Variants in ZNF469 observed in about 807,000 individuals in gnomAD.
ZNF469 encodes the protein zinc finger protein 469.
In ZNF469, 1 loss-of-function variant was observed where a neutral mutation model predicts 1.0. The ratio of observed to expected loss-of-function variants is 1.00; its 90% CI spans 0.35 to 4.73. The LOEUF (loss-of-function observed/expected upper bound fraction) is 4.73. ZNF469 is among the 30% of genes most tolerant of loss of function. The pLI is 0.16. For synonymous variants in ZNF469, 2,703 were observed against 2,363.4 expected, an observed-to-expected ratio of 1.14 and a Z score of -4.17; for missense variants, 6,100 against 5,356.3, an observed-to-expected ratio of 1.14 and a Z score of -4.33.
chr16:88,221,721 C>T, the ZNF469 span, among the ~76,000 whole-genome samples: 6 of 152,216 alleles, frequency 3.9e-5, no homozygotes, highest in African/African-American at 1.4e-4. Context: ...TGCACGCTTC[C>T]AGCGGCCAGG....
At chr16:88,307,936 C>G in the ZNF469 span, among the ~76,000 whole-genome samples, 1 of 152,088 alleles carries the variant, frequency 6.6e-6, no homozygotes, top group African/African-American at 2.4e-5. Flanking sequence ...AGATGTATTC[C>G]TATGTTGTCT....
At chr16:88,255,210 CAT>C in the ZNF469 span, among the ~76,000 whole-genome samples, 1 of 152,208 alleles carries the variant, frequency 6.6e-6, no homozygotes, top group Non-Finnish European at 1.5e-5. Context: ...ATGCAGGCTG[CAT>C]ATGTTGCAGG....
At chr16:88,115,889 C>T in the ZNF469 span, among the ~76,000 whole-genome samples, 2 of 152,256 alleles carry the variant, frequency 1.3e-5, no homozygotes, top group Non-Finnish European at 2.9e-5. Context: ...CTCATCTCTG[C>T]CTTTATCCTC....
At chr16:88,323,491 C>G in the ZNF469 span, among the ~76,000 whole-genome samples, 1 of 152,232 alleles carries the variant, frequency 6.6e-6, no homozygotes, top group Admixed American at 6.5e-5. Flanking sequence ...GGCCCCAGGA[C>G]AGGCCCTGGC....
chr16:88,291,558 T>C, the ZNF469 span, among the ~76,000 whole-genome samples: 20 of 152,308 alleles, frequency 1.3e-4, no homozygotes, highest in East Asian at 3.7e-3. Flanking sequence ...GCTTGCCTGA[T>C]GTCTTCCAGG....
chr16:88,256,605 GT>G, the ZNF469 span, among the ~76,000 whole-genome samples: 1 of 152,158 alleles, frequency 6.6e-6, no homozygotes, highest in African/African-American at 2.4e-5. Context: ...GTAAGAGCAT[GT>G]TTTAGCTTTT....
At chr16:88,182,293 A>C in the ZNF469 span, among the ~76,000 whole-genome samples, 1 of 152,260 alleles carries the variant, frequency 6.6e-6, no homozygotes, top group African/African-American at 2.4e-5. Context: ...TTAAGATGTA[A>C]ATCCCTGCAA....
the ZNF469 span, among the ~76,000 whole-genome samples, chr16:88,361,908 T>C: frequency 6.6e-6 from 1 of 152,220 alleles, no homozygotes; most frequent in Non-Finnish European, 1.5e-5. Context: ...GTGTCATTGG[T>C]TGGAAGATTC....
At chr16:88,191,109 G>T in the ZNF469 span, among the ~76,000 whole-genome samples, 5 of 151,682 alleles carry the variant, frequency 3.3e-5, no homozygotes, top group African/African-American at 9.7e-5. Flanking sequence ...ATGAGACCAG[G>T]AGGGTGTTGA....
the ZNF469 span, among the ~76,000 whole-genome samples, chr16:88,128,869 G>A: frequency 7.9e-5 from 12 of 152,232 alleles, no homozygotes; most frequent in South Asian, 4.1e-4. Flanking sequence ...AGAGCAGAGC[G>A]CAGGGCAGGA....
the ZNF469 span, among the ~76,000 whole-genome samples, chr16:88,295,997 C>T: frequency 2.0e-5 from 3 of 152,192 alleles, no homozygotes; most frequent in South Asian, 4.1e-4. Context: ...CCTGGGGCAG[C>T]GCCTGGCTTT....
chr16:88,423,414 C>A (rs1905569642), intron 1 of ZNF469, among the ~76,000 whole-genome samples: 1 of 152,124 alleles, frequency 6.6e-6, no homozygotes, highest in African/African-American at 2.4e-5. Context: ...CTATACATCT[C>A]TGGGTAAGGA....
chr16:88,121,088 CTGCTGTGTACCATGCA>C, the ZNF469 span, among the ~76,000 whole-genome samples: 1 of 136,508 alleles, frequency 7.3e-6, no homozygotes, highest in Non-Finnish European at 1.5e-5. Flanking sequence ...CATGAGGCAC[CTGCTGTGTACCATGCA>C]CGGTGGGATG....
At chr16:88,119,250 G>A in the ZNF469 span, among the ~76,000 whole-genome samples, 23 of 152,268 alleles carry the variant, frequency 1.5e-4, no homozygotes, top group East Asian at 4.2e-3. Flanking sequence ...CCTGGGAAGC[G>A]GGTCTGAAAT....
the ZNF469 span, among the ~76,000 whole-genome samples, chr16:88,264,888 C>T: frequency 6.6e-6 from 1 of 152,192 alleles, no homozygotes; most frequent in Non-Finnish European, 1.5e-5. Flanking sequence ...GGTCTGGGGG[C>T]TCCTGAGGGT....
the ZNF469 span, among the ~76,000 whole-genome samples, chr16:88,138,894 C>T: frequency 3.3e-5 from 5 of 152,336 alleles, no homozygotes; most frequent in South Asian, 2.1e-4. Context: ...AAATAAGCAG[C>T]GTAAGCACAG....
the ZNF469 span, among the ~76,000 whole-genome samples, chr16:88,182,032 G>C: frequency 1.1e-4 from 16 of 152,226 alleles, no homozygotes; most frequent in African/African-American, 3.9e-4. Flanking sequence ...ATTTAGCAAA[G>C]TTGCTGGACA....
chr16:88,422,933 G>A (rs879811971), intron 1 of ZNF469, among the ~76,000 whole-genome samples: 8 of 150,784 alleles, frequency 5.3e-5, no homozygotes, highest in Admixed American at 1.3e-4. Context: ...GGTGATGGAT[G>A]GGTGGATGGA....
At chr16:88,246,682 C>A in the ZNF469 span, among the ~76,000 whole-genome samples, 2 of 152,204 alleles carry the variant, frequency 1.3e-5, no homozygotes, top group African/African-American at 4.8e-5. Context: ...AGGGACCACA[C>A]TTTGAGAACC....
Sources: allele counts gnomAD v4.1 joint callset (sites outside exome capture counted in the v4.1 genomes callset), GRCh38; gene constraint gnomAD v4.1.1; transcripts MANE v1.5; gene names NCBI Gene and HGNC (gene_info 2026-07-23, HGNC 2026-07-21).